The following NKAIN3 variants were observed in gnomAD, a reference collection of about 807,000 sequenced individuals.
NKAIN3 encodes sodium/potassium-transporting ATPase subunit beta-1-interacting protein 3.
NKAIN3 carries 25 observed loss-of-function variants against 30.2 expected under a neutral mutation model. The ratio of observed to expected loss-of-function variants is 0.83; its 90% CI spans 0.60 to 1.16. The LOEUF (loss-of-function observed/expected upper bound fraction) is 1.16, where lower values mean the gene tolerates loss of function less well. NKAIN3 is among the 50% of genes most tolerant of loss of function. The pLI, the probability that NKAIN3 is intolerant of heterozygous loss-of-function variation, is 0.00. For missense variants in NKAIN3, 225 were observed against 254.1 expected, an observed-to-expected ratio of 0.89 and a Z score of 0.78; for synonymous variants, 91 against 89.6, an observed-to-expected ratio of 1.02 and a Z score of -0.09.
At chr8:62,406,696 C>T (rs1308370742) in intron 1 of NKAIN3, among the ~76,000 whole-genome samples, 1 of 152,082 alleles carries the variant, frequency 6.6e-6, no homozygotes, top group African/African-American at 2.4e-5. Flanking sequence ...TTTAATGAAT[C>T]TGCTGATTTA....
At chr8:62,996,379 T>G (rs114498851) in intron 5 of NKAIN3, among the ~76,000 whole-genome samples, 2,609 of 152,186 alleles carry the variant, frequency 0.017, 77 homozygotes, top group African/African-American at 0.06. Context: ...ACCTCCATTA[T>G]CCAATCACCT....
chr8:62,989,640 A>C (rs953555246), downstream of NKAIN3, among the ~76,000 whole-genome samples: 1 of 152,198 alleles, frequency 6.6e-6, no homozygotes, highest in Non-Finnish European at 1.5e-5. Context: ...AGAGCTTGCG[A>C]TGAGCTGAGA....
intron 4 of NKAIN3, among the ~76,000 whole-genome samples, chr8:62,770,047 T>C (rs1362775813): frequency 6.6e-6 from 1 of 152,192 alleles, no homozygotes; most frequent in Non-Finnish European, 1.5e-5. Flanking sequence ...AAAGATGACA[T>C]GTCCATCCCA....
intron 1 of NKAIN3, among the ~76,000 whole-genome samples, chr8:62,330,015 T>G (rs922162783): frequency 6.6e-6 from 1 of 152,022 alleles, no homozygotes; most frequent in Non-Finnish European, 1.5e-5. Flanking sequence ...GCAGCACCTA[T>G]CTCAGTCTTG....
rs1823948712 is a variant in NKAIN3, at chr8:62,976,690, T to C, written c.*11283T>C. 6.6e-6 allele frequency among the ~76,000 whole-genome samples: 1 copy of C among 152,206 alleles called. No homozygotes were observed. The highest frequency in any genetic ancestry group is 2.4e-5 in the African/African-American group (1 of 41,458). On this transcript the variant is annotated 3_prime_UTR_variant, in exon 7 of 7. Coordinates refer to ENST00000623646, the MANE Select transcript of NKAIN3 (RefSeq NM_001304533.3). ...GCATTTAGCCCATTTACATTTAAGG[T>C]TAATATTGTTATGTGTGAATTTGAT...
intron 3 of NKAIN3, among the ~76,000 whole-genome samples, chr8:62,656,125 A>G (rs1194607888): frequency 1.3e-5 from 2 of 152,106 alleles, no homozygotes; most frequent in Admixed American, 6.6e-5. Context: ...CCTCGCCTTC[A>G]TGGAAAGCTG....
chr8:62,624,334 A>T (rs1174346117), intron 3 of NKAIN3, among the ~76,000 whole-genome samples: 1 of 151,754 alleles, frequency 6.6e-6, no homozygotes, highest in Admixed American at 6.6e-5. Flanking sequence ...TTCAAGATGG[A>T]GTTGCTGTGG....
chr8:62,802,954 G>T (rs139244557), intron 4 of NKAIN3, among the ~76,000 whole-genome samples: 1 of 151,960 alleles, frequency 6.6e-6, no homozygotes. Context: ...AAAAAGGCAG[G>T]GGTTGCAATC....
chr8:62,682,926 T>A (rs944687037), intron 3 of NKAIN3, among the ~76,000 whole-genome samples: 10 of 152,166 alleles, frequency 6.6e-5, no homozygotes, highest in African/African-American at 2.4e-4. Context: ...AAAAGCCATA[T>A]TTTCTTGGAA....
chr8:62,879,618 G>A (rs1820913969), intron 4 of NKAIN3, among the ~76,000 whole-genome samples: 1 of 152,124 alleles, frequency 6.6e-6, no homozygotes, highest in Non-Finnish European at 1.5e-5. Flanking sequence ...AGCTGTCTAT[G>A]GGTGGGTCCA....
At chr8:62,442,280 A>G (rs1486612276) in intron 1 of NKAIN3, among the ~76,000 whole-genome samples, 4 of 152,006 alleles carry the variant, frequency 2.6e-5, no homozygotes, top group Non-Finnish European at 4.4e-5. Context: ...TCAATTTTTA[A>G]TAGTCATTGT....
At chr8:62,550,536 A>G (rs1809170519) in intron 1 of NKAIN3, among the ~76,000 whole-genome samples, 1 of 152,254 alleles carries the variant, frequency 6.6e-6, no homozygotes, top group Non-Finnish European at 1.5e-5. Flanking sequence ...AATTTGAGAC[A>G]TTCTCTATGA....
chr8:62,521,010 A>G (rs1808138900), intron 1 of NKAIN3, among the ~76,000 whole-genome samples: 1 of 151,708 alleles, frequency 6.6e-6, no homozygotes, highest in African/African-American at 2.4e-5. Context: ...CTCAGATGAC[A>G]GCTAGACACA....
intron 1 of NKAIN3, among the ~76,000 whole-genome samples, chr8:62,470,053 C>T (rs1040779645): frequency 1.3e-5 from 2 of 152,194 alleles, no homozygotes; most frequent in African/African-American, 4.8e-5. Flanking sequence ...TATTTATTAA[C>T]ATATTTCAAG....
At chr8:62,868,437 A>G (rs1820491789) in intron 4 of NKAIN3, among the ~76,000 whole-genome samples, 1 of 152,094 alleles carries the variant, frequency 6.6e-6, no homozygotes, top group Non-Finnish European at 1.5e-5. Context: ...TTATCTGAAT[A>G]ATTCAGGCAG....
chr8:62,808,161 A>G (rs1432217497), intron 4 of NKAIN3, among the ~76,000 whole-genome samples: 1 of 152,024 alleles, frequency 6.6e-6, no homozygotes, highest in Non-Finnish European at 1.5e-5. Flanking sequence ...ATAGCAGCTG[A>G]TTACTTTGAT....
chr8:62,980,863 A>G lies in NKAIN3; in HGVS notation c.*15456A>G, dbSNP rs1198978546. On this transcript the variant is annotated 3_prime_UTR_variant, in exon 7 of 7. Transcript: ENST00000623646. ...TTAAGCCACTTGTTTGGTGTTATGG[A>G]TTTTAAGAATCAGTTGGTGTTAGAA... The G allele has an allele frequency of 2.0e-5, 3 of 152,166 alleles. No individual in the cohort carries two copies. Among genetic ancestry groups the G allele is most frequent in the Admixed American group, 6.5e-5 (1 of 15,278 alleles). The allele number at this position is 152,166 out of a possible 1,614,324, so 9.4% of individuals were successfully genotyped here.
At chr8:62,253,747 G>C (rs1244968002) in intron 1 of NKAIN3, among the ~76,000 whole-genome samples, 1 of 152,144 alleles carries the variant, frequency 6.6e-6, no homozygotes, top group Non-Finnish European at 1.5e-5. Flanking sequence ...AATGTGTTAA[G>C]AGGTGTCTGT....
chr8:62,831,452 C>A (rs1819195854), intron 4 of NKAIN3, among the ~76,000 whole-genome samples: 1 of 151,946 alleles, frequency 6.6e-6, no homozygotes, highest in Admixed American at 6.6e-5. Flanking sequence ...AAATGAGATC[C>A]AAGACAAGTT....
Sources: gnomAD v4.1 joint callset for allele counts (sites outside exome capture counted in the v4.1 genomes callset) on GRCh38, gnomAD v4.1.1 for gene constraint, MANE v1.5 for transcripts, NCBI Gene and HGNC (gene_info 2026-07-23, HGNC 2026-07-21) for gene names.